Variants in DIXDC1 observed in about 807,000 individuals in gnomAD.
DIXDC1 encodes dixin.
A neutral mutation model predicts 103.1 loss-of-function variants in DIXDC1; 64 were observed. That is an observed-to-expected ratio of 0.62 (90% CI 0.51 to 0.76). DIXDC1 has a LOEUF of 0.76. Among genes scored for constraint, DIXDC1 ranks in the 30% least tolerant of loss-of-function variants. The probability of loss-of-function intolerance (pLI) is 0.00; values close to 1 mark genes in which losing one functional copy is unlikely to be tolerated. For synonymous variants in DIXDC1, 266 were observed against 298.5 expected, an observed-to-expected ratio of 0.89 and a Z score of 1.12; for missense variants, 759 against 834.2, an observed-to-expected ratio of 0.91 and a Z score of 1.11.
chr11:111,996,129 C>A lies in DIXDC1; in HGVS notation c.1739C>A (p.Ser580Tyr). 6.2e-7 allele frequency: 1 copy of A among 1,613,674 alleles called. No individual in the cohort carries two copies. Among genetic ancestry groups the A allele is most frequent in the Non-Finnish European group, 8.5e-7 (1 of 1,179,772 alleles). ...CAAGTAGGTAGTGAATACCGGGAGT[C>A]CTGGCCCCCTAACTCAAGTAAGTAC... ...RTQVGSEYRE[S>Y]WPPNSKLPHS... Residue 580 changes from serine (S) to tyrosine (Y), a missense_variant, in exon 17 of 20, where the codon TCC (serine) becomes TAC (tyrosine). Around this residue, in one of 3 missense-constraint regions of DIXDC1, gnomAD observed 657 missense variants for 727.5 expected, o/e 0.90. Transcript: ENST00000440460.
Position 111,977,650 on chromosome 11 carries a change from G to A in DIXDC1, c.656+2667G>A, listed in dbSNP as rs1860157229. ...AGTAGCTTTGCTAGCTGGCCTTCCC[G>A]TGGAGGCGTTTTCCAGCCCCAGCGC... is the stretch of plus-strand genomic sequence containing the variant. On this transcript the variant is annotated intron_variant, in intron 5 of 19. Coordinates refer to ENST00000440460, the MANE Select transcript of DIXDC1 (RefSeq NM_001037954.4). This position sits in a 1 kb window ranked among gnomAD's most constrained non-coding sequence, Gnocchi z 6.1. 4.5e-6 allele frequency: 7 copies of A among 1,546,826 alleles called. No individual in the cohort carries two copies. The highest frequency in any genetic ancestry group is 3.6e-5 in the South Asian group (3 of 83,842).
chr11:111,996,257 A>T (rs1332825792), intron 17 of DIXDC1, 111 bp downstream of exon 17: 1 of 916,292 alleles, frequency 1.1e-6, no homozygotes, highest in African/African-American at 1.7e-5. Flanking sequence ...CTTCACTTTT[A>T]TACTATTTTG....
intron 5 of DIXDC1, among the ~76,000 whole-genome samples, chr11:111,978,391 G>C (rs927817585): frequency 1.3e-5 from 2 of 152,238 alleles, no homozygotes; most frequent in South Asian, 2.1e-4. Flanking sequence ...GCAGCAGGGT[G>C]CCTGCTCTGA....
At chr11:111,933,532 C>T (rs909376816), upstream of DIXDC1, among the ~76,000 whole-genome samples, 6 of 152,174 alleles carry the variant, frequency 3.9e-5, no homozygotes, top group South Asian at 2.1e-4. Flanking sequence ...CGGGCTCAAG[C>T]GATCCTCCCA....
At chr11:111,993,631 C>A in intron 13 of DIXDC1, 38 bp from the exon 14 acceptor site, 1 of 1,613,946 alleles carries the variant, frequency 6.2e-7, no homozygotes, top group South Asian at 1.1e-5. Flanking sequence ...CTCTTTGGCC[C>A]AAAGAAATCA....
intron 17 of DIXDC1, among the ~76,000 whole-genome samples, chr11:112,003,159 C>G (rs1861120380): frequency 6.6e-6 from 1 of 152,032 alleles, no homozygotes; most frequent in African/African-American, 2.4e-5. Context: ...GGAGTAAGAT[C>G]TAGTGTTTGA....
At chr11:111,942,744 A>G (rs782296290) in intron 1 of DIXDC1, among the ~76,000 whole-genome samples, 1 of 152,202 alleles carries the variant, frequency 6.6e-6, no homozygotes, top group Non-Finnish European at 1.5e-5. Context: ...TTACTTTCTG[A>G]TATATTATCT....
chr11:112,012,543 C>G (rs1266536955), intron 17 of DIXDC1, among the ~76,000 whole-genome samples: 1 of 152,092 alleles, frequency 6.6e-6, no homozygotes, highest in East Asian at 1.9e-4. Context: ...ATACCATATG[C>G]AAAAATCAAC....
At chr11:111,928,015 CAAAAAA>C (rs782156043) in intron 1 of DIXDC1, among the ~76,000 whole-genome samples, 4 of 68,760 alleles carry the variant, frequency 5.8e-5, no homozygotes, top group South Asian at 5.1e-4. Context: ...GACTCCATCT[CAAAAAA>C]AAAAAAAAAA....
At chr11:112,007,756 C>A (rs1171515744) in intron 17 of DIXDC1, among the ~76,000 whole-genome samples, 1 of 152,144 alleles carries the variant, frequency 6.6e-6, no homozygotes. Context: ...CAAGCAAATG[C>A]TAAGAGATTC....
upstream of DIXDC1, chr11:111,937,131 CG>C (rs782420161): frequency 0.046 from 20,276 of 439,706 alleles, 22 homozygotes; most frequent in Middle Eastern, 0.055. Context: ...GCGGCCCGGG[CG>C]GGGGGGGGGT....
chr11:111,950,478 A>G (rs1966768139), intron 1 of DIXDC1, among the ~76,000 whole-genome samples: 1 of 64,530 alleles, frequency 1.5e-5, no homozygotes, highest in Non-Finnish European at 3.1e-5. Flanking sequence ...TTTTTGAGAC[A>G]GAGTTTCACT....
intron 3 of DIXDC1, among the ~76,000 whole-genome samples, chr11:111,972,796 C>T (rs1859977900): frequency 6.6e-6 from 1 of 152,184 alleles, no homozygotes; most frequent in Non-Finnish European, 1.5e-5. Flanking sequence ...CCTGTAATCC[C>T]AGCACTTTGG....
At chr11:111,989,769 C>G (rs587729920) in intron 10 of DIXDC1, among the ~76,000 whole-genome samples, 1 of 151,748 alleles carries the variant, frequency 6.6e-6, no homozygotes, top group African/African-American at 2.4e-5. Flanking sequence ...CATCAGTCAT[C>G]TAGTTCTCTT....
At chr11:111,982,585 C>T (rs1381099648) in intron 7 of DIXDC1, 98 bp downstream of exon 7, 22 of 1,325,204 alleles carry the variant, frequency 1.7e-5, no homozygotes, top group Admixed American at 2.4e-5. Context: ...TCTAGGAGGT[C>T]AGAACTGAAT....
chr11:112,007,679 A>G (rs1555176746), intron 17 of DIXDC1, among the ~76,000 whole-genome samples: 1 of 152,252 alleles, frequency 6.6e-6, no homozygotes, highest in Non-Finnish European at 1.5e-5. Flanking sequence ...AAGAGTTTTC[A>G]ACGCAAAATT....
chr11:111,971,169 A>C (rs892265105), intron 3 of DIXDC1, among the ~76,000 whole-genome samples: 2 of 152,260 alleles, frequency 1.3e-5, no homozygotes, highest in South Asian at 4.1e-4. Context: ...AAGAGAAACT[A>C]TCAGGGGAGT....
At chr11:112,010,255 A>G (rs1355486970) in intron 17 of DIXDC1, among the ~76,000 whole-genome samples, 1 of 152,226 alleles carries the variant, frequency 6.6e-6, no homozygotes, top group Non-Finnish European at 1.5e-5. Context: ...AGGGATGTGA[A>G]GGACCTCTTC....
At chr11:111,953,114 A>G (rs1966845675) in intron 1 of DIXDC1, among the ~76,000 whole-genome samples, 1 of 152,242 alleles carries the variant, frequency 6.6e-6, no homozygotes, top group South Asian at 2.1e-4. Flanking sequence ...AATTAGTATC[A>G]ATACTATCAG....
Sources: allele counts gnomAD v4.1 joint callset (sites outside exome capture counted in the v4.1 genomes callset), GRCh38; gene constraint gnomAD v4.1.1; regional missense constraint gnomAD v4.1.1; non-coding constraint Gnocchi (gnomAD v3.1); transcripts MANE v1.5; gene names NCBI Gene and HGNC (gene_info 2026-07-23, HGNC 2026-07-21).